Variants in PRELID2 observed in about 807,000 individuals in gnomAD.
PRELID2 encodes the protein PRELI domain containing 2, also known as PRELI domain-containing protein 2.
Under a neutral mutation model 28.4 loss-of-function variants are expected in PRELID2, and 25 were observed. That is an observed-to-expected ratio of 0.88 (90% CI 0.64 to 1.23). The LOEUF (loss-of-function observed/expected upper bound fraction) is 1.23. Among genes scored for constraint, PRELID2 ranks in the 50% most tolerant of loss-of-function variants. PRELID2 has a pLI of 0.00. For missense variants in PRELID2, 201 were observed against 214.4 expected (o/e 0.94, Z 0.39); for synonymous variants, 76 against 71.6 (o/e 1.06, Z -0.31).
chr5:145,408,361 T>C, the PRELID2 span, among the ~76,000 whole-genome samples: 10 of 145,732 alleles, frequency 6.9e-5, no homozygotes, highest in African/African-American at 2.5e-4. Flanking sequence ...CTCAAGGAGG[T>C]AGCAGAGAAA....
the PRELID2 span, among the ~76,000 whole-genome samples, chr5:145,419,571 G>A: frequency 7.0e-6 from 1 of 142,048 alleles, no homozygotes; most frequent in Non-Finnish European, 1.5e-5. Flanking sequence ...ACTTTTTGAT[G>A]GGGTTGTTTG....
intron 1 of PRELID2, among the ~76,000 whole-genome samples, chr5:145,568,415 A>C (rs548968236): frequency 6.6e-6 from 1 of 152,348 alleles, no homozygotes; most frequent in African/African-American, 2.4e-5. Context: ...GACTATTCTC[A>C]ATCACTGGAA....
At chr5:145,314,128 T>C in the PRELID2 span, among the ~76,000 whole-genome samples, 1 of 152,200 alleles carries the variant, frequency 6.6e-6, no homozygotes, top group Non-Finnish European at 1.5e-5. Flanking sequence ...CATGAGACCT[T>C]CATCATGGAT....
At chr5:145,634,146 G>A (rs1753970001) in intron 1 of PRELID2, among the ~76,000 whole-genome samples, 1 of 152,166 alleles carries the variant, frequency 6.6e-6, no homozygotes, top group South Asian at 2.1e-4. Context: ...TGTAAACAAA[G>A]ACACATTTGC....
chr5:145,276,825 T>C, the PRELID2 span, among the ~76,000 whole-genome samples: 2 of 152,184 alleles, frequency 1.3e-5, no homozygotes, highest in Non-Finnish European at 2.9e-5. Flanking sequence ...GGGCACTCAA[T>C]AAATATTTGT....
intron 4 of PRELID2, among the ~76,000 whole-genome samples, chr5:145,797,470 A>C (rs1752838933): frequency 6.6e-6 from 1 of 152,154 alleles, no homozygotes; most frequent in African/African-American, 2.4e-5. Context: ...TGCATCCAAC[A>C]TCCTGTCTTT....
chr5:145,726,853 A>C (rs1756181770), intron 1 of PRELID2, among the ~76,000 whole-genome samples: 1 of 152,202 alleles, frequency 6.6e-6, no homozygotes, highest in Non-Finnish European at 1.5e-5. Flanking sequence ...TGCTCTGCCC[A>C]CACAAATTGT....
chr5:145,496,339 G>C (rs920370481), intron 1 of PRELID2, among the ~76,000 whole-genome samples: 1 of 152,074 alleles, frequency 6.6e-6, no homozygotes, highest in African/African-American at 2.4e-5. Flanking sequence ...GCAAAGTCTG[G>C]ACAAGAGATA....
intron 1 of PRELID2, among the ~76,000 whole-genome samples, chr5:145,621,185 G>A (rs1253746980): frequency 1.3e-5 from 2 of 152,110 alleles, no homozygotes; most frequent in Non-Finnish European, 2.9e-5. Flanking sequence ...ATGAAAAATT[G>A]TTTAACATCA....
chr5:145,685,109 T>C (rs142391417), intron 1 of PRELID2, among the ~76,000 whole-genome samples: 209 of 152,312 alleles, frequency 1.4e-3, no homozygotes, highest in African/African-American at 4.9e-3. Flanking sequence ...TCCCAATACA[T>C]TGAGAGAATC....
At chr5:145,590,696 T>A (rs1172959342) in intron 1 of PRELID2, among the ~76,000 whole-genome samples, 1 of 152,196 alleles carries the variant, frequency 6.6e-6, no homozygotes. Context: ...TCCTATTTCT[T>A]TTCAAACTTA....
chr5:145,728,069 G>A (rs1157618032), intron 1 of PRELID2, among the ~76,000 whole-genome samples: 3 of 152,104 alleles, frequency 2.0e-5, no homozygotes, highest in African/African-American at 7.2e-5. Context: ...GAATATTCCT[G>A]TCTGTCCCTG....
chr5:145,767,579 C>T (rs1757844608), intron 5 of PRELID2, among the ~76,000 whole-genome samples: 1 of 152,134 alleles, frequency 6.6e-6, no homozygotes, highest in African/African-American at 2.4e-5. Context: ...TCAAAGGCAA[C>T]CTCTAGATGC....
Position 145,817,981 on chromosome 5 carries a change from G to T in PRELID2, c.281C>A (p.Ala94Asp), listed in dbSNP as rs772867704. The T allele has an allele frequency of 6.2e-7, 1 of 1,611,868 alleles. No individual in the cohort carries two copies. Among genetic ancestry groups the T allele is most frequent in the Admixed American group, 1.7e-5 (1 of 59,678 alleles). The change falls in exon 4 of 7, where the codon GCC becomes GAC. Residue 94 changes from alanine (A) to aspartate (D), a missense_variant. Ala to Asp is a moderately radical substitution (Grantham distance 126, BLOSUM62 -2). Coordinates refer to ENST00000683046, the MANE Select transcript of PRELID2 (RefSeq NM_205846.3). Reference sequence around the variant, plus strand: ...CCACGTAAGGCAGTGACTCCGTATGGCCATGTTTCTTTCCCGAGGATTGAG... The same window carrying T: ...CCACGTAAGGCAGTGACTCCGTATGTCCATGTTTCTTTCCCGAGGATTGAG... ...SWLNPRERNM[A>D]IRSHCLTWTQ...
chr5:145,491,262 T>G (rs1330663500), intron 1 of PRELID2, among the ~76,000 whole-genome samples: 1 of 152,148 alleles, frequency 6.6e-6, no homozygotes, highest in African/African-American at 2.4e-5. Flanking sequence ...AGGCTATGCT[T>G]TCTCATAGAT....
intron 4 of PRELID2, among the ~76,000 whole-genome samples, chr5:145,808,580 T>C (rs1195627006): frequency 6.6e-6 from 1 of 152,042 alleles, no homozygotes. Context: ...GTAATGAAAA[T>C]GTATTGACCC....
chr5:145,566,154 A>G (rs1561507464), intron 1 of PRELID2, among the ~76,000 whole-genome samples: 2 of 152,264 alleles, frequency 1.3e-5, no homozygotes, highest in East Asian at 3.8e-4. Flanking sequence ...TGCAATGGTG[A>G]CAACTGCCAA....
At position 145,639,623 on chromosome 5, in the gene PRELID2, C is replaced by T. The variant is rs149961075; in HGVS notation, n.70+125308G>A. Reference sequence around the variant, plus strand: ...CCCAAGATTCTTTGCTTCAAACTTACGCTTCTATCTGCCTTTTTCCTATTC... The same window carrying T: ...CCCAAGATTCTTTGCTTCAAACTTATGCTTCTATCTGCCTTTTTCCTATTC... On this transcript the variant is annotated intron_variant and non_coding_transcript_variant, in intron 1 of 2. Coordinates refer to the PRELID2 transcript ENST00000510259. 4.2e-3 allele frequency among the ~76,000 whole-genome samples: 633 copies of T among 152,282 alleles called. 6 individuals carry two copies. The highest frequency in any genetic ancestry group is 0.014 in the African/African-American group (597 of 41,556).
the PRELID2 span, among the ~76,000 whole-genome samples, chr5:145,371,615 G>T: frequency 6.6e-6 from 1 of 151,928 alleles, no homozygotes; most frequent in African/African-American, 2.4e-5. Context: ...TCAGGATGAC[G>T]CTGGCTTCAT....
Sources: gnomAD v4.1 joint callset for allele counts (sites outside exome capture counted in the v4.1 genomes callset) on GRCh38, gnomAD v4.1.1 for gene constraint, MANE v1.5 for transcripts, NCBI Gene and HGNC (gene_info 2026-07-23, HGNC 2026-07-21) for gene names.